The following PALLD variants were observed in gnomAD, a reference collection of about 807,000 sequenced individuals.
PALLD encodes the protein palladin, cytoskeletal associated protein.
A neutral mutation model predicts 123.5 loss-of-function variants in PALLD; 61 were observed. The observed-to-expected ratio is 0.49, with a 90% CI of 0.40 to 0.61. The LOEUF (loss-of-function observed/expected upper bound fraction) is 0.61, where lower values mean the gene tolerates loss of function less well. Among genes scored for constraint, PALLD ranks in the 20% least tolerant of loss-of-function variants. The pLI is 0.00. For synonymous variants in PALLD, 465 were observed against 496.4 expected (o/e 0.94, Z 0.84); for missense variants, 1,273 against 1,377.0 (o/e 0.92, Z 1.20).
At chr4:168,855,565 A>C (rs755289171) in intron 10 of PALLD, among the ~76,000 whole-genome samples, 1 of 152,206 alleles carries the variant, frequency 6.6e-6, no homozygotes, top group Non-Finnish European at 1.5e-5. Flanking sequence ...TTGGTAAGTC[A>C]GTCTGTCTGT....
At chr4:168,704,935 A>G (rs910211384) in intron 8 of PALLD, among the ~76,000 whole-genome samples, 1 of 152,156 alleles carries the variant, frequency 6.6e-6, no homozygotes, top group East Asian at 1.9e-4. Context: ...AAAATACTGC[A>G]TAATGAACTA....
chr4:168,531,034 A>G (rs957546464), intron 2 of PALLD, among the ~76,000 whole-genome samples: 12 of 152,208 alleles, frequency 7.9e-5, no homozygotes, highest in Non-Finnish European at 1.8e-4. Flanking sequence ...TACAGAGCAT[A>G]TTTTTAAAAT....
intron 10 of PALLD, among the ~76,000 whole-genome samples, chr4:168,849,013 T>C (rs919670238): frequency 6.6e-6 from 1 of 152,176 alleles, no homozygotes; most frequent in Non-Finnish European, 1.5e-5. Flanking sequence ...CTGTGAGAAT[T>C]TTTTTCGTTA....
intron 18 of PALLD, 78 bp from the exon 19 acceptor site, chr4:168,924,177 A>G: frequency 7.7e-7 from 1 of 1,302,008 alleles, no homozygotes; most frequent in Non-Finnish European, 1.1e-6. Context: ...TTCAAGCAAT[A>G]TTCCAAAAGC....
At chr4:168,766,282 C>T (rs1733651622) in intron 10 of PALLD, among the ~76,000 whole-genome samples, 1 of 152,220 alleles carries the variant, frequency 6.6e-6, no homozygotes, top group Non-Finnish European at 1.5e-5. Context: ...TTCTGGGCAG[C>T]TCTGCCTATG....
At chr4:168,598,248 C>A in intron 2 of PALLD, 1 of 403,136 alleles carries the variant, frequency 2.5e-6, no homozygotes, top group Non-Finnish European at 5.0e-6. Flanking sequence ...ATTTAGTTAG[C>A]TTCATTCTTT....
intron 2 of PALLD, among the ~76,000 whole-genome samples, chr4:168,513,408 T>G (rs1456377685): frequency 1.3e-5 from 2 of 152,172 alleles, no homozygotes; most frequent in African/African-American, 4.8e-5. Context: ...TTCTTCTGAC[T>G]TCATTGTAGA....
At chr4:168,780,750 C>A (rs1448975041) in intron 10 of PALLD, among the ~76,000 whole-genome samples, 1 of 152,158 alleles carries the variant, frequency 6.6e-6, no homozygotes, top group Non-Finnish European at 1.5e-5. Flanking sequence ...TGCAGTGGCA[C>A]AATCTCGGCT....
chr4:168,780,683 TTTG>T (rs1324023173), intron 10 of PALLD, among the ~76,000 whole-genome samples: 2 of 152,166 alleles, frequency 1.3e-5, no homozygotes, highest in Admixed American at 6.5e-5. Context: ...TTTTGGTTTT[TTTG>T]TTGTTGTTGT....
intron 2 of PALLD, among the ~76,000 whole-genome samples, chr4:168,618,740 A>C (rs1434453632): frequency 6.6e-6 from 1 of 152,210 alleles, no homozygotes; most frequent in African/African-American, 2.4e-5. Context: ...GCCACCTGTC[A>C]CTGCTGCCCA....
chr4:168,598,656 G>T, intron 2 of PALLD: 1 of 327,848 alleles, frequency 3.1e-6, no homozygotes, highest in Non-Finnish European at 6.2e-6. Flanking sequence ...ACGGAACTCT[G>T]AAGCTTTCTG....
chr4:168,758,094 A>G (rs988616176), intron 10 of PALLD, among the ~76,000 whole-genome samples: 12 of 152,204 alleles, frequency 7.9e-5, no homozygotes, highest in African/African-American at 2.9e-4. Flanking sequence ...AACATATTTA[A>G]TCATAGGGAC....
chr4:168,790,162 T>C lies in PALLD; in HGVS notation c.1964+78239T>C, dbSNP rs570960993. On this transcript the variant is annotated intron_variant, in intron 10 of 21. Transcript: ENST00000505667. ...TAAACTGAGATTTTGTGGTTTCTTT[T>C]TTTTTTTTTTTTTTCTTGAGGCAGA... is the stretch of plus-strand genomic sequence containing the variant. 3.1e-3 allele frequency among the ~76,000 whole-genome samples: 470 copies of C among 150,374 alleles called. 3 individuals carry two copies. Among genetic ancestry groups the C allele is most frequent in the Non-Finnish European group, 4.1e-3 (276 of 67,354 alleles).
chr4:168,803,402 C>A (rs1338070842), intron 10 of PALLD, among the ~76,000 whole-genome samples: 1 of 152,026 alleles, frequency 6.6e-6, no homozygotes, highest in African/African-American at 2.4e-5. Flanking sequence ...CTCCCTGAAT[C>A]TAAAATAAAA....
chr4:168,636,536 T>A (rs1175871804), intron 2 of PALLD, among the ~76,000 whole-genome samples: 1 of 152,148 alleles, frequency 6.6e-6, no homozygotes, highest in Non-Finnish European at 1.5e-5. Flanking sequence ...TCATGATCTG[T>A]CCACCATAGC....
intron 2 of PALLD, among the ~76,000 whole-genome samples, chr4:168,664,849 C>G (rs984679864): frequency 4.6e-5 from 7 of 151,300 alleles, no homozygotes; most frequent in African/African-American, 1.5e-4. Context: ...TAGTTTCTGG[C>G]CAGTATTTAG....
chr4:168,890,790 C>T, intron 10 of PALLD, 132 bp from the exon 11 acceptor site: 1 of 917,844 alleles, frequency 1.1e-6, no homozygotes, highest in South Asian at 1.3e-5. Context: ...ATCATAGTTG[C>T]AACAGATGTA....
chr4:168,724,523 G>C (rs1786352465), intron 10 of PALLD, among the ~76,000 whole-genome samples: 1 of 152,230 alleles, frequency 6.6e-6, no homozygotes, highest in Non-Finnish European at 1.5e-5. Flanking sequence ...GTGGATGACA[G>C]TGGAGTCAAT....
intron 2 of PALLD, among the ~76,000 whole-genome samples, chr4:168,558,438 C>T (rs1022859431): frequency 2.0e-5 from 3 of 152,202 alleles, no homozygotes; most frequent in African/African-American, 7.2e-5. Flanking sequence ...GGTGGCCCTT[C>T]CTCCATCACC....
Sources: allele counts gnomAD v4.1 joint callset (sites outside exome capture counted in the v4.1 genomes callset), GRCh38; gene constraint gnomAD v4.1.1; transcripts MANE v1.5; gene names NCBI Gene and HGNC (gene_info 2026-07-23, HGNC 2026-07-21).